NTM: variants seen among roughly 807,000 people sequenced by gnomAD.
The protein encoded by NTM is neurotrimin, also known as IgLON family member 2.
A neutral mutation model predicts 42.1 loss-of-function variants in NTM; 13 were observed. The ratio of observed to expected loss-of-function variants is 0.31; its 90% CI spans 0.20 to 0.49. NTM has a LOEUF of 0.49. Among genes scored for constraint, NTM ranks in the 20% least tolerant of loss-of-function variants. The pLI is 0.99. For synonymous variants in NTM, 187 were observed against 179.2 expected, an observed-to-expected ratio of 1.04 and a Z score of -0.35; for missense variants, 373 against 452.8, an observed-to-expected ratio of 0.82 and a Z score of 1.60.
At position 131,638,887 on chromosome 11, in the gene NTM, G is replaced by C. The variant is rs964587606; in HGVS notation, c.82+267999G>C. ...ATGAAAAAAAAAAAGTTTAAATTTA[G>C]AATAATAACAACAACAATAATAGCT... is the stretch of plus-strand genomic sequence containing the variant. On this transcript the variant is annotated intron_variant, in intron 1 of 8. Transcript: ENST00000683400. 4.0e-5 allele frequency among the ~76,000 whole-genome samples: 6 copies of C among 151,632 alleles called. No individual in the cohort carries two copies. In the South Asian group the frequency reaches 1.3e-3, roughly 32 times the overall value.
At chr11:131,939,052 A>G (rs2059526662) in intron 2 of NTM, among the ~76,000 whole-genome samples, 1 of 152,218 alleles carries the variant, frequency 6.6e-6, no homozygotes, top group Non-Finnish European at 1.5e-5. Context: ...TGGGGATTTA[A>G]GTATGGGAGA....
chr11:132,335,083 G>T lies in NTM; in HGVS notation c.1005G>T (p.Ser335=). ...TCAGCGAGGTGAGCAACGGCACGTCGAGGAGGGCAGGCTGCGTCTGGCTGC... is the reference window on the plus strand; with the variant it reads ...TCAGCGAGGTGAGCAACGGCACGTCTAGGAGGGCAGGCTGCGTCTGGCTGC... ...GAVSEVSNGT[S]RRAGCVWLLP... is the part of the protein sequence containing the mutation. Residue 335 remains serine, a synonymous_variant, in exon 9 of 9, where the codon TCG becomes TCT. Transcript: ENST00000683400. 6.2e-7 allele frequency: 1 copy of T among 1,612,566 alleles called. No individual in the cohort carries two copies. Among genetic ancestry groups the T allele is most frequent in the South Asian group, 1.1e-5 (1 of 91,030 alleles).
At chr11:132,160,573 A>T (rs1045394863) in intron 3 of NTM, among the ~76,000 whole-genome samples, 2 of 152,248 alleles carry the variant, frequency 1.3e-5, no homozygotes, top group African/African-American at 2.4e-5. Context: ...TAGAGCACGA[A>T]TGCCCTAGTT....
chr11:131,828,983 T>G (rs925838584), intron 1 of NTM, among the ~76,000 whole-genome samples: 1 of 151,962 alleles, frequency 6.6e-6, no homozygotes, highest in Admixed American at 6.6e-5. Context: ...TCCCTCTCTC[T>G]CTCTCTGTCT....
chr11:131,439,097 C>T (rs1949387175), intron 1 of NTM, among the ~76,000 whole-genome samples: 1 of 152,192 alleles, frequency 6.6e-6, no homozygotes, highest in Non-Finnish European at 1.5e-5. Flanking sequence ...ACCCTCTTTT[C>T]CTGGGTATCA....
intron 1 of NTM, among the ~76,000 whole-genome samples, chr11:131,789,941 G>A (rs1317530798): frequency 8.2e-6 from 1 of 122,058 alleles, no homozygotes; most frequent in African/African-American, 3.5e-5. Flanking sequence ...GGGCGACAGA[G>A]CGAGACTCCG....
chr11:132,008,081 C>A (rs1346870545), intron 2 of NTM, among the ~76,000 whole-genome samples: 1 of 152,130 alleles, frequency 6.6e-6, no homozygotes, highest in African/African-American at 2.4e-5. Context: ...TCTGTTCAGG[C>A]CCCAAATGAA....
At chr11:132,216,459 A>G (rs2083883347) in intron 4 of NTM, among the ~76,000 whole-genome samples, 1 of 152,126 alleles carries the variant, frequency 6.6e-6, no homozygotes, top group African/African-American at 2.4e-5. Context: ...TCTTGGGTGC[A>G]CTTACCTTCA....
At chr11:132,181,001 A>T (rs947528301) in intron 3 of NTM, among the ~76,000 whole-genome samples, 1 of 152,210 alleles carries the variant, frequency 6.6e-6, no homozygotes. Context: ...TAACTTAAGG[A>T]TCTCAGAATA....
At chr11:131,575,080 G>A (rs74690872) in intron 1 of NTM, among the ~76,000 whole-genome samples, 3,529 of 152,194 alleles carry the variant, frequency 0.023, 133 homozygotes, top group African/African-American at 0.08. Context: ...AAACCAGTCC[G>A]TTTGGATGAC....
intron 1 of NTM, among the ~76,000 whole-genome samples, chr11:131,831,643 C>A (rs1046303030): frequency 6.6e-6 from 1 of 152,166 alleles, no homozygotes; most frequent in Non-Finnish European, 1.5e-5. Context: ...CTTTTTAGAT[C>A]TTAAAGCTTA....
chr11:131,875,390 G>A (rs923219423), intron 1 of NTM, among the ~76,000 whole-genome samples: 2 of 152,202 alleles, frequency 1.3e-5, no homozygotes, highest in African/African-American at 4.8e-5. Context: ...TTGAGGACCT[G>A]GTATTTAATA....
chr11:132,244,159 C>T (rs1459032333), intron 4 of NTM, among the ~76,000 whole-genome samples: 1 of 152,156 alleles, frequency 6.6e-6, no homozygotes, highest in Non-Finnish European at 1.5e-5. Flanking sequence ...CCTAAGGCAG[C>T]CGCTGATCAG....
chr11:131,575,786 G>C (rs2458771), intron 1 of NTM, among the ~76,000 whole-genome samples: 92,359 of 151,910 alleles, frequency 0.61, 28,497 homozygotes, highest in African/African-American at 0.71. Context: ...CACCTGCAGC[G>C]CTTGGATGGC....
intron 2 of NTM, among the ~76,000 whole-genome samples, chr11:132,049,578 T>C (rs2078554978): frequency 6.6e-6 from 1 of 152,196 alleles, no homozygotes; most frequent in Non-Finnish European, 1.5e-5. Context: ...CGCCCTTGGC[T>C]GTGAGCTGGG....
intron 1 of NTM, among the ~76,000 whole-genome samples, chr11:131,843,439 C>T (rs529623084): frequency 6.6e-6 from 1 of 152,220 alleles, no homozygotes; most frequent in East Asian, 1.9e-4. Context: ...TTGATTTATT[C>T]CTCTTAAATA....
At chr11:131,446,488 T>C (rs559781013) in intron 1 of NTM, among the ~76,000 whole-genome samples, 30 of 152,320 alleles carry the variant, frequency 2.0e-4, no homozygotes, top group Non-Finnish European at 4.0e-4. Context: ...TCAGTAGAGA[T>C]GATAAACAGT....
chr11:131,513,658 A>T (rs1292270453), intron 1 of NTM, among the ~76,000 whole-genome samples: 1 of 152,228 alleles, frequency 6.6e-6, no homozygotes, highest in Non-Finnish European at 1.5e-5. Flanking sequence ...AGCTTTAAGG[A>T]TCTAAAGCAT....
At chr11:131,825,749 G>T (rs1338079437) in intron 1 of NTM, among the ~76,000 whole-genome samples, 1 of 152,060 alleles carries the variant, frequency 6.6e-6, no homozygotes, top group Non-Finnish European at 1.5e-5. Context: ...AATGGGTTTG[G>T]GTGATAAAAA....
Sources: gnomAD v4.1 joint callset for allele counts (sites outside exome capture counted in the v4.1 genomes callset) on GRCh38, gnomAD v4.1.1 for gene constraint, MANE v1.5 for transcripts, NCBI Gene and HGNC (gene_info 2026-07-23, HGNC 2026-07-21) for gene names.